Variants in DPP6 observed in about 807,000 individuals in gnomAD.
The protein encoded by DPP6 is A-type potassium channel modulatory protein DPP6.
DPP6 carries 69 observed loss-of-function variants against 122.6 expected under a neutral mutation model. That is an observed-to-expected ratio of 0.56 (90% CI 0.46 to 0.69). DPP6 has a LOEUF of 0.69. Ranked by LOEUF, DPP6 falls within the 30% of genes least tolerant of loss-of-function variation. The pLI, the probability that DPP6 is intolerant of heterozygous loss-of-function variation, is 0.00. For synonymous variants in DPP6, 418 were observed against 433.1 expected (o/e 0.97, Z 0.43); for missense variants, 928 against 1,116.9 (o/e 0.83, Z 2.41).
chr7:154,866,555 C>G (rs1307578384), intron 17 of DPP6, among the ~76,000 whole-genome samples: 1 of 152,240 alleles, frequency 6.6e-6, no homozygotes, highest in African/African-American at 2.4e-5. Flanking sequence ...GACTTCACCA[C>G]TGCAGACACC....
intron 4 of DPP6, among the ~76,000 whole-genome samples, chr7:154,554,929 A>G (rs1016184384): frequency 2.0e-5 from 3 of 152,226 alleles, no homozygotes; most frequent in Non-Finnish European, 4.4e-5. Context: ...TAGGTGCTGA[A>G]AAAGGGATCT....
At chr7:154,447,482 A>AG (rs1819984587) in intron 2 of DPP6, among the ~76,000 whole-genome samples, 1 of 152,178 alleles carries the variant, frequency 6.6e-6, no homozygotes, top group South Asian at 2.1e-4. Flanking sequence ...GATGAAAAAA[A>AG]GTAGATATTA....
chr7:154,104,668 C>G (rs1806015397), intron 1 of DPP6, among the ~76,000 whole-genome samples: 1 of 152,254 alleles, frequency 6.6e-6, no homozygotes, highest in Non-Finnish European at 1.5e-5. Flanking sequence ...TTAACCTGTG[C>G]ATAACAAACA....
At chr7:153,993,200 A>T (rs2533593) in intron 1 of DPP6, among the ~76,000 whole-genome samples, 19,895 of 150,028 alleles carry the variant, frequency 0.13, 1,671 homozygotes, top group African/African-American at 0.25. Flanking sequence ...CAGTGTCTAT[A>T]TCAGGGCCTG....
intron 8 of DPP6, among the ~76,000 whole-genome samples, chr7:154,752,945 A>G (rs1182809473): frequency 6.6e-6 from 1 of 151,946 alleles, no homozygotes; most frequent in Non-Finnish European, 1.5e-5. Flanking sequence ...TTTATTGAGC[A>G]CCTGCTGTGT....
chr7:154,351,704 T>G (rs1177646469), intron 1 of DPP6, among the ~76,000 whole-genome samples: 3 of 152,030 alleles, frequency 2.0e-5, no homozygotes, highest in Admixed American at 6.5e-5. Flanking sequence ...GAGGGGAAAG[T>G]TAAGTAAGGA....
At chr7:154,221,915 T>TAAATAA (rs1800329216) in intron 1 of DPP6, among the ~76,000 whole-genome samples, 2 of 152,164 alleles carry the variant, frequency 1.3e-5, no homozygotes, top group African/African-American at 2.4e-5. Context: ...TAATTCATGG[T>TAAATAA]AAATTGAAAA....
At chr7:154,293,335 G>A (rs932104663) in intron 1 of DPP6, among the ~76,000 whole-genome samples, 3 of 152,166 alleles carry the variant, frequency 2.0e-5, no homozygotes, top group African/African-American at 4.8e-5. Flanking sequence ...CCTTTCAGAA[G>A]TGTTCATCTG....
chr7:153,892,104 C>G (rs1279012100), intron 1 of DPP6, among the ~76,000 whole-genome samples: 1 of 152,152 alleles, frequency 6.6e-6, no homozygotes, highest in Admixed American at 6.5e-5. Flanking sequence ...GAACTATTGT[C>G]TTCTCTTTTC....
At position 154,196,518 on chromosome 7, in the gene DPP6, C is replaced by T. The variant is rs190491755; in HGVS notation, c.243+143455C>T. Reference sequence around the variant, plus strand: ...AAACAAAACAAAACTCACAAATGTTCATTTAGTGAATGAGTAAATGAATTC... The same window carrying T: ...AAACAAAACAAAACTCACAAATGTTTATTTAGTGAATGAGTAAATGAATTC... On this transcript the variant is annotated intron_variant, in intron 1 of 25. Transcript: ENST00000377770. Among the ~76,000 whole-genome samples the T allele has an allele frequency of 5.5e-3, 842 of 152,246 alleles. 5 individuals are homozygous for T. The highest frequency in any genetic ancestry group is 0.019 in the African/African-American group (803 of 41,534).
chr7:154,357,973 A>T (rs911365711), intron 1 of DPP6, among the ~76,000 whole-genome samples: 5 of 151,966 alleles, frequency 3.3e-5, no homozygotes, highest in African/African-American at 1.2e-4. Flanking sequence ...AAAGAAAAGA[A>T]ATCTTTCTCG....
chr7:153,908,045 T>G (rs1396401315), intron 1 of DPP6, among the ~76,000 whole-genome samples: 1 of 151,460 alleles, frequency 6.6e-6, no homozygotes, highest in Admixed American at 6.6e-5. Context: ...TTTTTTTTTT[T>G]TTTTGCTTAA....
intron 1 of DPP6, among the ~76,000 whole-genome samples, chr7:153,926,911 A>G (rs1055983688): frequency 3.3e-5 from 5 of 152,226 alleles, no homozygotes; most frequent in Non-Finnish European, 7.3e-5. Flanking sequence ...GTTGTGGAAA[A>G]TGTATACACA....
intron 1 of DPP6, among the ~76,000 whole-genome samples, chr7:154,024,560 G>A (rs1244846066): frequency 6.6e-6 from 1 of 152,100 alleles, no homozygotes; most frequent in Middle Eastern, 3.2e-3. Context: ...AGGTGGTGTG[G>A]TATCAGGGAG....
intron 1 of DPP6, among the ~76,000 whole-genome samples, chr7:153,915,880 G>A (rs1800282558): frequency 6.6e-6 from 1 of 152,204 alleles, no homozygotes; most frequent in Non-Finnish European, 1.5e-5. Context: ...ATCTGAGAAA[G>A]CAAAGTTAGT....
chr7:153,931,244 A>G (rs1055072793), intron 1 of DPP6, among the ~76,000 whole-genome samples: 1 of 152,196 alleles, frequency 6.6e-6, no homozygotes, highest in African/African-American at 2.4e-5. Context: ...GAACTATAAG[A>G]TCATGTTACC....
chr7:154,859,489 C>T (rs1228898529), intron 17 of DPP6, among the ~76,000 whole-genome samples: 5 of 152,244 alleles, frequency 3.3e-5, no homozygotes, highest in Admixed American at 2.6e-4. Flanking sequence ...ACTATCCTCT[C>T]CCAGCCCTGC....
At chr7:154,054,140 C>T (rs564735613) in intron 1 of DPP6, among the ~76,000 whole-genome samples, 45 of 151,946 alleles carry the variant, frequency 3.0e-4, no homozygotes, top group Non-Finnish European at 5.3e-4. Context: ...CACAACTGCT[C>T]AACCTGGGAA....
intron 2 of DPP6, among the ~76,000 whole-genome samples, chr7:154,474,716 G>T (rs987823286): frequency 1.3e-5 from 2 of 152,186 alleles, no homozygotes; most frequent in Non-Finnish European, 1.5e-5. Flanking sequence ...AGGTGTGGGT[G>T]AGAAGGCGTG....
Sources: allele counts gnomAD v4.1 joint callset (sites outside exome capture counted in the v4.1 genomes callset), GRCh38; gene constraint gnomAD v4.1.1; transcripts MANE v1.5; gene names NCBI Gene and HGNC (gene_info 2026-07-23, HGNC 2026-07-21).